Variants in PTPRN2 observed in about 807,000 individuals in gnomAD.
The protein encoded by PTPRN2 is receptor-type tyrosine-protein phosphatase N2.
In PTPRN2, 74 loss-of-function variants were observed where a neutral mutation model predicts 118.8. That is an observed-to-expected ratio of 0.62 (90% CI 0.52 to 0.76). The LOEUF is 0.76. Ranked by LOEUF, PTPRN2 falls within the 30% of genes least tolerant of loss-of-function variation. The pLI, the probability that PTPRN2 is intolerant of heterozygous loss-of-function variation, is 0.00. For synonymous variants in PTPRN2, 641 were observed against 608.0 expected (o/e 1.05, Z -0.80); for missense variants, 1,481 against 1,394.4 (o/e 1.06, Z -0.99).
intron 12 of PTPRN2, among the ~76,000 whole-genome samples, chr7:157,707,869 G>A (rs916218366): frequency 4.6e-5 from 7 of 152,232 alleles, no homozygotes; most frequent in South Asian, 2.1e-4. Context: ...GATTACAGGC[G>A]TGAGCCACTG....
chr7:158,070,625 C>A (rs1585328188), intron 11 of PTPRN2, among the ~76,000 whole-genome samples: 1 of 103,304 alleles, frequency 9.7e-6, no homozygotes, highest in Non-Finnish European at 1.8e-5. Context: ...GGTGGAGGTG[C>A]CCCTGGTGGT....
chr7:158,202,739 G>A (rs1826735734), intron 4 of PTPRN2, among the ~76,000 whole-genome samples: 1 of 152,168 alleles, frequency 6.6e-6, no homozygotes, highest in Non-Finnish European at 1.5e-5. Flanking sequence ...CCAACCTACA[G>A]AATGGTAAGA....
chr7:158,080,985 T>C (rs1235587672), intron 11 of PTPRN2, among the ~76,000 whole-genome samples: 1 of 152,196 alleles, frequency 6.6e-6, no homozygotes, highest in Non-Finnish European at 1.5e-5. Flanking sequence ...AAAAGCCGGA[T>C]TTGTTCTCGG....
intron 2 of PTPRN2, among the ~76,000 whole-genome samples, chr7:158,421,278 G>C (rs750710563): frequency 3.9e-5 from 6 of 152,230 alleles, no homozygotes; most frequent in Non-Finnish European, 7.3e-5. Flanking sequence ...TCAGCCTGTG[G>C]ATATTAGTGA....
chr7:158,383,919 C>T (rs1428708780), intron 2 of PTPRN2, among the ~76,000 whole-genome samples: 8 of 152,176 alleles, frequency 5.3e-5, no homozygotes, highest in Admixed American at 2.6e-4. Context: ...CACTATGCTC[C>T]GGAAAGCGTG....
chr7:157,556,393 C>G (rs1302479395), intron 21 of PTPRN2, among the ~76,000 whole-genome samples: 2 of 150,962 alleles, frequency 1.3e-5, no homozygotes, highest in Non-Finnish European at 3.0e-5. Context: ...ACACAACACT[C>G]ACCCACACTC....
intron 3 of PTPRN2, among the ~76,000 whole-genome samples, chr7:158,309,811 T>C (rs1278652948): frequency 6.6e-6 from 1 of 152,198 alleles, no homozygotes; most frequent in Non-Finnish European, 1.5e-5. Flanking sequence ...AGACTGAATG[T>C]TGACATCCTC....
chr7:158,030,780 G>A (rs761345066), intron 11 of PTPRN2: 4 of 152,396 alleles, frequency 2.6e-5, no homozygotes, highest in Admixed American at 6.5e-5. Context: ...CAGACCCTGG[G>A]GGGTGCAGGG....
At position 157,540,544 on chromosome 7, in the gene PTPRN2, G is replaced by T; in HGVS notation, c.*170C>A. 2.1e-6 allele frequency: 1 copy of T among 473,778 alleles called. No individual in the cohort carries two copies. The highest frequency in any genetic ancestry group is 3.7e-6 in the Non-Finnish European group (1 of 269,938). 29.3% of individuals were successfully genotyped at this position (473,778 alleles called of 1,614,324 possible). ...TTTCCACAAATCTCTCTTTATTATT[G>T]TTTGATTAAACAAAAATACACTTTT... On this transcript the variant is annotated 3_prime_UTR_variant, in exon 23 of 23. Coordinates refer to ENST00000389418, the MANE Select transcript of PTPRN2 (RefSeq NM_002847.5).
chr7:158,271,435 G>A (rs566985685), intron 3 of PTPRN2, among the ~76,000 whole-genome samples: 92 of 152,274 alleles, frequency 6.0e-4, no homozygotes, highest in East Asian at 5.0e-3. Context: ...CACAATCAAC[G>A]CTAAGCAATA....
intron 14 of PTPRN2, among the ~76,000 whole-genome samples, chr7:157,638,360 C>A: frequency 6.6e-6 from 1 of 152,156 alleles, no homozygotes; most frequent in Non-Finnish European, 1.5e-5. Context: ...ACCAAACGTG[C>A]TCACAAGGAA....
chr7:157,860,412 C>CCACGTCTTGGTTATTATCGAA (rs1810143406), intron 12 of PTPRN2, among the ~76,000 whole-genome samples: 1 of 152,340 alleles, frequency 6.6e-6, no homozygotes, highest in Non-Finnish European at 1.5e-5. Flanking sequence ...CACACAGGAT[C>CCACGTCTTGGTTATTATCGAA]CACGTCTTGG....
At chr7:157,928,571 A>G (rs1799164595) in intron 11 of PTPRN2, among the ~76,000 whole-genome samples, 1 of 151,948 alleles carries the variant, frequency 6.6e-6, no homozygotes, top group Admixed American at 6.6e-5. Context: ...GAAGCCACCC[A>G]GGACACTCCC....
rs528706816 is a variant in PTPRN2, at chr7:157,806,635, T to C, written c.1788+92038A>G. ...ATATGCATGTGTATGTGCATACGCA[T>C]GTATGTGTGTGTGTGTGTACATCTT... On this transcript the variant is annotated intron_variant, in intron 12 of 22. Transcript: ENST00000389418. 2.6e-5 allele frequency among the ~76,000 whole-genome samples: 4 copies of C among 152,280 alleles called. No individual in the cohort carries two copies. The East Asian group carries it at 7.7e-4, about 29-fold the overall frequency.
chr7:157,928,352 C>T (rs1799148860), intron 11 of PTPRN2, among the ~76,000 whole-genome samples: 1 of 152,160 alleles, frequency 6.6e-6, no homozygotes, highest in Non-Finnish European at 1.5e-5. Context: ...CAGCAGGATG[C>T]ACCCAGCCTC....
Position 158,081,370 on chromosome 7 carries a change from C to G in PTPRN2, c.1651G>C (p.Gly551Arg), listed in dbSNP as rs370254131. The G allele has an allele frequency of 6.2e-7, 1 of 1,614,072 alleles. No homozygotes were observed. Among genetic ancestry groups the G allele is most frequent in the East Asian group, 2.2e-5 (1 of 44,890 alleles). The change falls in exon 11 of 23, where the codon GGA becomes CGA. Residue 551 changes from glycine (G) to arginine (R), a missense_variant. Around this residue, in one of 3 missense-constraint regions of PTPRN2, gnomAD observed 1,115 missense variants for 994.2 expected, o/e 1.12. Coordinates refer to ENST00000389418, the MANE Select transcript of PTPRN2 (RefSeq NM_002847.5). Reference sequence around the variant, plus strand: ...CTCACTTTGAAGGTCACTGCTGGTCCGAGAACCCTGGAAGGGATAATTTAA... The same window carrying G: ...CTCACTTTGAAGGTCACTGCTGGTCGGAGAACCCTGGAAGGGATAATTTAA... The part of the protein sequence containing the change: ...SSAFADVEVL[G>R]PAVTFKVSAN...
Position 157,987,990 on chromosome 7 carries a change from A to C in PTPRN2, c.1724-89253T>G, listed in dbSNP as rs1285538082. On this transcript the variant is annotated intron_variant, in intron 11 of 22. Coordinates refer to ENST00000389418, the MANE Select transcript of PTPRN2 (RefSeq NM_002847.5). This position sits in a 1 kb window ranked among gnomAD's most constrained non-coding sequence, Gnocchi z 4.3. Reference sequence around the variant, plus strand: ...CACCTGCCATTCCCTGCGTTACTGCAGCAGGGATCCAGAGAACACTGTCCG... The same window carrying C: ...CACCTGCCATTCCCTGCGTTACTGCCGCAGGGATCCAGAGAACACTGTCCG... Among the ~76,000 whole-genome samples the C allele has an allele frequency of 6.6e-6, 1 of 151,240 alleles. No individual in the cohort carries two copies. Among genetic ancestry groups the C allele is most frequent in the East Asian group, 2.0e-4 (1 of 5,036 alleles).
At chr7:158,150,588 A>C (rs1334816911) in intron 6 of PTPRN2, among the ~76,000 whole-genome samples, 1 of 151,958 alleles carries the variant, frequency 6.6e-6, no homozygotes, top group South Asian at 2.1e-4. Flanking sequence ...AGGAGCATCT[A>C]TATGGAAAGA....
chr7:158,096,071 G>A (rs1395234090), intron 10 of PTPRN2, among the ~76,000 whole-genome samples: 2 of 152,220 alleles, frequency 1.3e-5, no homozygotes, highest in Non-Finnish European at 2.9e-5. Flanking sequence ...ATTAACAGTA[G>A]AAATTAGAGT....
Sources: allele counts gnomAD v4.1 joint callset (sites outside exome capture counted in the v4.1 genomes callset), GRCh38; gene constraint gnomAD v4.1.1; regional missense constraint gnomAD v4.1.1; non-coding constraint Gnocchi (gnomAD v3.1); transcripts MANE v1.5; gene names NCBI Gene and HGNC (gene_info 2026-07-23, HGNC 2026-07-21).